KHDRBS2: variants seen among roughly 807,000 people sequenced by gnomAD.
The protein encoded by KHDRBS2 is KH domain-containing, RNA-binding, signal transduction-associated protein 2.
Under a neutral mutation model 44.3 loss-of-function variants are expected in KHDRBS2, and 26 were observed. That is an observed-to-expected ratio of 0.59 (90% CI 0.43 to 0.81). The LOEUF (loss-of-function observed/expected upper bound fraction) is 0.81, where lower values mean the gene tolerates loss of function less well. Among genes scored for constraint, KHDRBS2 ranks in the 40% least tolerant of loss-of-function variants. The pLI is 0.00. For missense variants in KHDRBS2, 476 were observed against 433.1 expected, an observed-to-expected ratio of 1.10 and a Z score of -0.88; for synonymous variants, 194 against 151.1, an observed-to-expected ratio of 1.28 and a Z score of -2.08.
chr6:62,237,180 C>G (rs752378697), intron 1 of KHDRBS2, among the ~76,000 whole-genome samples: 5 of 152,040 alleles, frequency 3.3e-5, no homozygotes, highest in Non-Finnish European at 7.4e-5. Context: ...TTTTAAAGAA[C>G]GTGTTAAGAA....
At chr6:62,113,409 A>C (rs1805481852) in intron 2 of KHDRBS2, among the ~76,000 whole-genome samples, 1 of 152,172 alleles carries the variant, frequency 6.6e-6, no homozygotes, top group African/African-American at 2.4e-5. Flanking sequence ...ACCCAGAATT[A>C]CCAAGTGTTA....
chr6:61,816,484 G>A, intron 6 of KHDRBS2: 1 of 279,038 alleles, frequency 3.6e-6, no homozygotes, highest in Non-Finnish European at 7.2e-6. Context: ...ATGGCCAACA[G>A]TAGAAGTCAG....
chr6:62,190,776 GAAC>G (rs1480682928), intron 1 of KHDRBS2, among the ~76,000 whole-genome samples: 1 of 151,880 alleles, frequency 6.6e-6, no homozygotes, highest in Non-Finnish European at 1.5e-5. Context: ...AGTCACCCAA[GAAC>G]AACAAAACCA....
chr6:61,549,204 T>A, the KHDRBS2 span, among the ~76,000 whole-genome samples: 1 of 152,034 alleles, frequency 6.6e-6, no homozygotes, highest in Non-Finnish European at 1.5e-5. Context: ...GTATGAGATA[T>A]AAGAAAAAAA....
intron 6 of KHDRBS2, among the ~76,000 whole-genome samples, chr6:61,880,200 T>G (rs994951487): frequency 6.6e-6 from 1 of 151,790 alleles, no homozygotes; most frequent in African/African-American, 2.4e-5. Context: ...GATAAGACAA[T>G]AGAGACAGTC....
At chr6:61,830,928 C>A (rs1379031977) in intron 6 of KHDRBS2, among the ~76,000 whole-genome samples, 1 of 152,046 alleles carries the variant, frequency 6.6e-6, no homozygotes, top group African/African-American at 2.4e-5. Context: ...TTTTATATAT[C>A]ATTAGGGGAA....
chr6:62,011,474 A>G (rs192330514), intron 3 of KHDRBS2, among the ~76,000 whole-genome samples: 2 of 152,290 alleles, frequency 1.3e-5, no homozygotes, highest in Non-Finnish European at 2.9e-5. Flanking sequence ...TGCCTAAATA[A>G]CATGATTTGT....
At chr6:61,667,617 C>T in the KHDRBS2 span, among the ~76,000 whole-genome samples, 4 of 151,284 alleles carry the variant, frequency 2.6e-5, no homozygotes, top group East Asian at 2.0e-4. Flanking sequence ...AATATTTCTT[C>T]GTCATCTTTA....
At chr6:62,274,079 G>A (rs1157419864) in intron 1 of KHDRBS2, among the ~76,000 whole-genome samples, 42 of 152,182 alleles carry the variant, frequency 2.8e-4, no homozygotes, top group Non-Finnish European at 5.1e-4. Flanking sequence ...GGGACTACAG[G>A]TGTGCGCCAC....
intron 2 of KHDRBS2, among the ~76,000 whole-genome samples, chr6:62,093,921 C>G (rs1452483899): frequency 2.0e-5 from 3 of 149,490 alleles, no homozygotes; most frequent in Non-Finnish European, 3.0e-5. Context: ...TCAATTCATC[C>G]ACTGATAGAC....
At position 62,076,634 on chromosome 6, in the gene KHDRBS2, C is replaced by T. The variant is rs208969; in HGVS notation, c.220-28640G>A. On this transcript the variant is annotated intron_variant, in intron 2 of 8. Transcript: ENST00000281156. Reference sequence around the variant, plus strand: ...ATTAAAGGGTCTTGATGTCATTTAGCAAATAATAGGGACTTTAAAAGTGTT... The same window carrying T: ...ATTAAAGGGTCTTGATGTCATTTAGTAAATAATAGGGACTTTAAAAGTGTT... Among the ~76,000 whole-genome samples, 306 of 152,118 alleles carry T rather than the reference C, an allele frequency of 2.0e-3. 2 individuals carry two copies. The highest frequency in any genetic ancestry group is 6.8e-3 in the African/African-American group (284 of 41,508).
chr6:61,734,194 T>A (rs1774955502), intron 6 of KHDRBS2, among the ~76,000 whole-genome samples: 2 of 152,132 alleles, frequency 1.3e-5, no homozygotes, highest in Admixed American at 1.3e-4. Context: ...CTAACTTCCA[T>A]CTCTTGTCAT....
intron 3 of KHDRBS2, among the ~76,000 whole-genome samples, chr6:62,042,294 T>C (rs1786696766): frequency 6.6e-6 from 1 of 152,198 alleles, no homozygotes; most frequent in East Asian, 1.9e-4. Flanking sequence ...CAAACACAAA[T>C]GATATTTAAG....
At chr6:61,758,109 GT>G (rs1778770366) in intron 6 of KHDRBS2, among the ~76,000 whole-genome samples, 1 of 152,042 alleles carries the variant, frequency 6.6e-6, no homozygotes, top group Non-Finnish European at 1.5e-5. Context: ...AATTCAGGAA[GT>G]TTCCCAAGCT....
intron 1 of KHDRBS2, among the ~76,000 whole-genome samples, chr6:62,237,408 A>G (rs1162350337): frequency 1.3e-5 from 2 of 152,182 alleles, no homozygotes; most frequent in Non-Finnish European, 2.9e-5. Flanking sequence ...TAATTTTAAT[A>G]AATCACCTAC....
chr6:61,771,224 GC>G (rs1780843169), intron 6 of KHDRBS2, among the ~76,000 whole-genome samples: 1 of 152,182 alleles, frequency 6.6e-6, no homozygotes. Flanking sequence ...ACCAGCCACT[GC>G]AAAAACATGC....
intron 1 of KHDRBS2, among the ~76,000 whole-genome samples, chr6:62,232,600 C>T (rs1357938145): frequency 6.6e-6 from 1 of 152,046 alleles, no homozygotes; most frequent in African/African-American, 2.4e-5. Context: ...TTAAAATATG[C>T]AAATGTACCT....
chr6:61,926,355 G>A (rs1420287960), intron 4 of KHDRBS2, among the ~76,000 whole-genome samples: 2 of 152,144 alleles, frequency 1.3e-5, no homozygotes, highest in African/African-American at 4.8e-5. Flanking sequence ...AAGATTCTTT[G>A]GAGTTTGAAA....
At chr6:61,617,114 C>A in the KHDRBS2 span, among the ~76,000 whole-genome samples, 7 of 152,032 alleles carry the variant, frequency 4.6e-5, no homozygotes, top group Admixed American at 1.3e-4. Flanking sequence ...TTTCACCACA[C>A]GTAATTGGAC....
Sources: allele counts gnomAD v4.1 joint callset (sites outside exome capture counted in the v4.1 genomes callset), GRCh38; gene constraint gnomAD v4.1.1; transcripts MANE v1.5; gene names NCBI Gene and HGNC (gene_info 2026-07-23, HGNC 2026-07-21).